Variants in SGK3 observed in about 807,000 individuals in gnomAD.
SGK3 encodes serine/threonine-protein kinase Sgk3.
Under a neutral mutation model 68.5 loss-of-function variants are expected in SGK3, and 47 were observed. The observed-to-expected ratio is 0.69, with a 90% CI of 0.54 to 0.87. The LOEUF is 0.87. Ranked by LOEUF, SGK3 falls within the 40% of genes least tolerant of loss-of-function variation. The pLI, the probability that SGK3 is intolerant of heterozygous loss-of-function variation, is 0.00. For synonymous variants in SGK3, 181 were observed against 189.1 expected (o/e 0.96, Z 0.35); for missense variants, 479 against 575.5 (o/e 0.83, Z 1.72).
intron 1 of SGK3, among the ~76,000 whole-genome samples, chr8:66,746,618 A>C (rs1805662459): frequency 6.6e-6 from 1 of 152,032 alleles, no homozygotes; most frequent in Non-Finnish European, 1.5e-5. Context: ...CAGTAGCATA[A>C]TCATAGTTCA....
chr8:66,772,560 A>ATTT (rs1251463218), intron 1 of SGK3, among the ~76,000 whole-genome samples: 1 of 124,166 alleles, frequency 8.1e-6, no homozygotes, highest in African/African-American at 3.1e-5. Flanking sequence ...ACACCTGGCT[A>ATTT]TTTTTTTTTT....
intron 16 of SGK3, among the ~76,000 whole-genome samples, chr8:66,854,570 T>C (rs369809569): frequency 8.3e-4 from 126 of 152,214 alleles, no homozygotes; most frequent in African/African-American, 2.7e-3. Context: ...AAAGAAAATA[T>C]TCATTTCTGG....
At chr8:66,723,111 ATATATATATATATATATATATTTTTT>A (rs1329763438) in intron 1 of SGK3, among the ~76,000 whole-genome samples, 1 of 46,490 alleles carries the variant, frequency 2.2e-5, no homozygotes. Context: ...ATATATATAT[ATATATATATATATATATATATTTTTT>A]TTTTTTTTTT....
intron 5 of SGK3, among the ~76,000 whole-genome samples, chr8:66,817,276 C>T (rs549655035): frequency 1.3e-5 from 2 of 151,970 alleles, no homozygotes; most frequent in African/African-American, 2.4e-5. Flanking sequence ...ACTAAAAATA[C>T]AAAAATTAAC....
chr8:66,720,538 G>A (rs1804764999), intron 1 of SGK3, among the ~76,000 whole-genome samples: 1 of 152,066 alleles, frequency 6.6e-6, no homozygotes, highest in Non-Finnish European at 1.5e-5. Context: ...GGGAGGCCAA[G>A]GCGGGTGGAT....
At chr8:66,738,985 T>A (rs1805405417) in intron 1 of SGK3, among the ~76,000 whole-genome samples, 1 of 152,164 alleles carries the variant, frequency 6.6e-6, no homozygotes, top group South Asian at 2.1e-4. Flanking sequence ...CTTCATACGC[T>A]GCCTCCCAAA....
intron 1 of SGK3, among the ~76,000 whole-genome samples, chr8:66,758,061 CAT>C (rs1402575231): frequency 7.0e-6 from 1 of 142,664 alleles, no homozygotes; most frequent in Non-Finnish European, 1.5e-5. Context: ...ACATTAAAAA[CAT>C]ATTTTTAAGG....
intron 16 of SGK3, among the ~76,000 whole-genome samples, chr8:66,853,991 A>G (rs993413063): frequency 6.6e-6 from 1 of 152,248 alleles, no homozygotes; most frequent in African/African-American, 2.4e-5. Context: ...GTATTTAGGT[A>G]GGATTTCATT....
At chr8:66,797,074 G>A (rs1259979071) in intron 2 of SGK3, among the ~76,000 whole-genome samples, 1 of 151,716 alleles carries the variant, frequency 6.6e-6, no homozygotes, top group Non-Finnish European at 1.5e-5. Context: ...ATTTTACAAG[G>A]CTTTATTTGT....
At chr8:66,755,536 A>G (rs1805949923) in intron 1 of SGK3, among the ~76,000 whole-genome samples, 1 of 152,180 alleles carries the variant, frequency 6.6e-6, no homozygotes, top group Admixed American at 6.5e-5. Flanking sequence ...CTTAGCCTGT[A>G]CACCTCTTCC....
intron 5 of SGK3, 46 bp from the exon 6 acceptor site, chr8:66,822,326 G>A (rs766074464): frequency 2.6e-6 from 4 of 1,551,778 alleles, no homozygotes; most frequent in South Asian, 1.2e-5. Context: ...GAGAAAGGCT[G>A]TAGAAATGCT....
At position 66,774,859 on chromosome 8, in the gene SGK3, G is replaced by C. The variant is rs188100809; in HGVS notation, c.-121-18757G>C. On this transcript the variant is annotated intron_variant, in intron 1 of 16. Coordinates refer to ENST00000521198, the MANE Select transcript of SGK3 (RefSeq NM_001033578.3). The stretch of plus-strand genomic sequence containing the variant: ...CTCCTACCCCGCCCGAGGAAAATGA[G>C]ATTATGCCAGTGTCTTGAATGAGCG... 3.0e-3 allele frequency among the ~76,000 whole-genome samples: 459 copies of C among 152,048 alleles called. 13 individuals carry two copies. Among genetic ancestry groups the C allele is most frequent in the Admixed American group, 0.027 (417 of 15,276 alleles).
At chr8:66,858,480 A>T (rs1229968803) in intron 16 of SGK3, among the ~76,000 whole-genome samples, 2 of 151,846 alleles carry the variant, frequency 1.3e-5, no homozygotes, top group Non-Finnish European at 2.9e-5. Flanking sequence ...AAAAAAAAAA[A>T]ATACAAAATG....
chr8:66,826,940 C>T (rs1018545611), intron 6 of SGK3, among the ~76,000 whole-genome samples: 1 of 151,956 alleles, frequency 6.6e-6, no homozygotes, highest in Non-Finnish European at 1.5e-5. Flanking sequence ...CCACCACTCC[C>T]GTTCAGAAAC....
At chr8:66,837,756 C>T (rs1466881939) in intron 10 of SGK3, among the ~76,000 whole-genome samples, 3 of 152,120 alleles carry the variant, frequency 2.0e-5, no homozygotes, top group Non-Finnish European at 4.4e-5. Context: ...TGTACTCCAG[C>T]CTGGGTGACA....
intron 5 of SGK3, among the ~76,000 whole-genome samples, chr8:66,821,320 T>TTA (rs1288063357): frequency 7.6e-4 from 116 of 151,760 alleles, no homozygotes; most frequent in Admixed American, 2.0e-3. Flanking sequence ...TATGAGTATT[T>TTA]TATATATATA....
intron 1 of SGK3, among the ~76,000 whole-genome samples, chr8:66,717,529 A>G (rs907667361): frequency 6.6e-6 from 1 of 151,982 alleles, no homozygotes; most frequent in Non-Finnish European, 1.5e-5. Flanking sequence ...CTCCTTCTCA[A>G]AAAAAAAGAA....
At chr8:66,757,998 TAC>T (rs201130112) in intron 1 of SGK3, among the ~76,000 whole-genome samples, 10 of 138,010 alleles carry the variant, frequency 7.2e-5, no homozygotes, top group African/African-American at 1.8e-4. Context: ...TGTATATATA[TAC>T]ACACACACAC....
At chr8:66,806,813 C>T (rs1465570873) in intron 4 of SGK3, among the ~76,000 whole-genome samples, 5 of 119,902 alleles carry the variant, frequency 4.2e-5, no homozygotes, top group South Asian at 5.0e-4. Context: ...GACTCTGTCT[C>T]GAAAAAAAAA....
Sources: gnomAD v4.1 joint callset for allele counts (sites outside exome capture counted in the v4.1 genomes callset) on GRCh38, gnomAD v4.1.1 for gene constraint, MANE v1.5 for transcripts, NCBI Gene and HGNC (gene_info 2026-07-23, HGNC 2026-07-21) for gene names.